Variants in MYOF observed in about 807,000 individuals in gnomAD.
The protein encoded by MYOF is myoferlin, also known as fer-1-like 3, myoferlin.
A neutral mutation model predicts 284.2 loss-of-function variants in MYOF; 244 were observed. That is an observed-to-expected ratio of 0.86 (90% CI 0.77 to 0.95). The LOEUF (loss-of-function observed/expected upper bound fraction) is 0.95, where lower values mean the gene tolerates loss of function less well. MYOF is among the 40% of genes least tolerant of loss of function. The pLI is 0.00. For synonymous variants in MYOF, 904 were observed against 919.7 expected (o/e 0.98, Z 0.31); for missense variants, 2,496 against 2,560.6 (o/e 0.97, Z 0.54).
chr10:93,352,444 A>T (rs1844568515), intron 32 of MYOF, among the ~76,000 whole-genome samples: 1 of 152,256 alleles, frequency 6.6e-6, no homozygotes, highest in Non-Finnish European at 1.5e-5. Context: ...AGAGTATAAC[A>T]GCAGCCGGAA....
Position 93,377,308 on chromosome 10 carries a change from G to A in MYOF, c.2108+15C>T, listed in dbSNP as rs774414599. 9.4e-6 allele frequency: 15 copies of A among 1,589,142 alleles called. No individual in the cohort carries two copies. Among genetic ancestry groups the A allele is most frequent in the African/African-American group, 2.7e-5 (2 of 74,432 alleles). ...CCTGGATGAAAATTCTGAGATAGGC[G>A]TAAGATCACTGTACCTCGTGTCTTC... is the stretch of plus-strand genomic sequence containing the variant. On this transcript the variant is annotated intron_variant, in intron 22 of 53. Transcript: ENST00000359263.
chr10:93,391,629 C>T (rs936687208), intron 17 of MYOF, among the ~76,000 whole-genome samples: 1 of 151,692 alleles, frequency 6.6e-6, no homozygotes, highest in Non-Finnish European at 1.5e-5. Context: ...AAAAAGAAAA[C>T]CCATTCTCTC....
chr10:93,392,771 G>T, intron 17 of MYOF, 146 bp downstream of exon 17: 1 of 682,532 alleles, frequency 1.5e-6, no homozygotes, highest in Non-Finnish European at 2.6e-6. Flanking sequence ...CAACCGTATG[G>T]CACTTACACA....
chr10:93,399,639 C>T, intron 12 of MYOF, 144 bp from the exon 13 acceptor site: 1 of 603,580 alleles, frequency 1.7e-6, no homozygotes, highest in Non-Finnish European at 2.9e-6. Flanking sequence ...TTTGAGAGGC[C>T]AAGGCTGGTG....
chr10:93,366,421 T>C lies in MYOF; in HGVS notation c.2724A>G (p.Glu908=). 6.2e-7 allele frequency: 1 copy of C among 1,613,874 alleles called. No individual in the cohort carries two copies. The highest frequency in any genetic ancestry group is 1.1e-5 in the South Asian group (1 of 91,012). The change falls in exon 26 of 54, where the codon GAA becomes GAG. Residue 908 remains glutamate (E), a synonymous_variant. Coordinates refer to ENST00000359263, the MANE Select transcript of MYOF (RefSeq NM_013451.4). ...FFLPPKGWEW[E]GEWIVDPERS... Reference sequence around the variant, plus strand: ...TTTCAGGATCAACTATCCACTCTCCTTCCCATTCCCAGCCTTTTGGAGGCA... The same window carrying C: ...TTTCAGGATCAACTATCCACTCTCCCTCCCATTCCCAGCCTTTTGGAGGCA...
chr10:93,431,746 C>CT (rs35400002), intron 3 of MYOF, among the ~76,000 whole-genome samples: 21,592 of 131,698 alleles, frequency 0.16, 3,869 homozygotes, highest in East Asian at 0.62. Flanking sequence ...TCTTTCTTTT[C>CT]TTTTTTTTTT....
rs183010874 is a variant in MYOF at position 93,477,416 on chromosome 10, C to T, written c.88+4691G>A. ...CTGAGGCAGGAGAATCACTTAAACC[C>T]GGGAGGTGGAAGTTGCAGTGAACCG... On this transcript the variant is annotated intron_variant, in intron 1 of 53. Transcript: ENST00000359263. 2.6e-5 allele frequency among the ~76,000 whole-genome samples: 4 copies of T among 151,972 alleles called. No homozygotes were observed. The East Asian group carries it at 7.8e-4, about 29-fold the overall frequency.
intron 3 of MYOF, among the ~76,000 whole-genome samples, chr10:93,447,703 G>T (rs1396789532): frequency 6.6e-6 from 1 of 152,086 alleles, no homozygotes; most frequent in African/African-American, 2.4e-5. Context: ...AAAGTGTGAC[G>T]TTTCTCTATA....
intron 3 of MYOF, among the ~76,000 whole-genome samples, chr10:93,445,238 T>G (rs1487376739): frequency 6.6e-6 from 1 of 152,194 alleles, no homozygotes; most frequent in Non-Finnish European, 1.5e-5. Context: ...ATAGATGAGC[T>G]GACTCTAACA....
rs781189686 is a variant in MYOF at position 93,401,493 on chromosome 10, A to G, written c.1042T>C (p.Leu348=). Residue 348 remains leucine (L), a synonymous_variant, in exon 12 of 54, where the codon TTA becomes CTA. Coordinates refer to ENST00000359263, the MANE Select transcript of MYOF (RefSeq NM_013451.4). ...NDSDDVESNL[L]LPAGIALRWV... is the part of the protein sequence containing the mutation. ...CGGAGGGCAATGCCAGCAGGGAGTA[A>G]CAAATTACTCTCCACATCATCACTG... 6.2e-6 allele frequency: 10 copies of G among 1,614,178 alleles called. No homozygotes were observed. The South Asian group carries it at 1.1e-4, about 18-fold the overall frequency.
chr10:93,457,103 A>ATGGCAT (rs931361486), intron 1 of MYOF, among the ~76,000 whole-genome samples, 166 bp from the exon 2 acceptor site: 4 of 152,174 alleles, frequency 2.6e-5, no homozygotes, highest in African/African-American at 9.7e-5. Context: ...TCCAAATGAA[A>ATGGCAT]TGGCATTTTT....
intron 5 of MYOF, among the ~76,000 whole-genome samples, chr10:93,419,970 A>G (rs988571473): frequency 1.3e-5 from 2 of 152,086 alleles, no homozygotes; most frequent in African/African-American, 4.8e-5. Context: ...CATCTCTACT[A>G]AAAATTTAAA....
chr10:93,463,200 G>A (rs1055403493), intron 1 of MYOF, among the ~76,000 whole-genome samples: 25 of 152,104 alleles, frequency 1.6e-4, no homozygotes, highest in South Asian at 6.2e-4. Context: ...CAAACCACCC[G>A]CCCTCTTGCG....
At chr10:93,393,091 C>G in intron 16 of MYOF, 136 bp from the exon 17 acceptor site, 1 of 717,904 alleles carries the variant, frequency 1.4e-6, no homozygotes, top group East Asian at 2.6e-5. Flanking sequence ...AGACCCAAGT[C>G]ACATATGACC....
At chr10:93,396,970 G>A (rs1166751209) in intron 15 of MYOF, among the ~76,000 whole-genome samples, 2 of 152,168 alleles carry the variant, frequency 1.3e-5, no homozygotes, top group Non-Finnish European at 2.9e-5. Flanking sequence ...ATTCTGGACA[G>A]CCTAATGATA....
intron 53 of MYOF, among the ~76,000 whole-genome samples, chr10:93,309,685 A>G (rs138944989): frequency 1.3e-5 from 2 of 152,280 alleles, no homozygotes; most frequent in East Asian, 3.9e-4. Context: ...GATGGTTTGG[A>G]ACAAGAAAGT....
intron 36 of MYOF, among the ~76,000 whole-genome samples, chr10:93,349,235 T>C (rs924957770): frequency 4.6e-5 from 7 of 152,246 alleles, no homozygotes; most frequent in Non-Finnish European, 1.0e-4. Context: ...TATTATGGGG[T>C]CTGTGATGGA....
At chr10:93,427,475 G>A (rs1447345835) in intron 4 of MYOF, among the ~76,000 whole-genome samples, 2 of 143,904 alleles carry the variant, frequency 1.4e-5, no homozygotes, top group African/African-American at 5.2e-5. Context: ...AGGTTGCAGT[G>A]AGCCAAGATC....
intron 46 of MYOF, among the ~76,000 whole-genome samples, chr10:93,325,300 G>A (rs1362071934): frequency 4.6e-5 from 7 of 152,150 alleles, no homozygotes; most frequent in Non-Finnish European, 7.3e-5. Context: ...GTCCCCCATT[G>A]CTATCCACAT....
Sources: gnomAD v4.1 joint callset for allele counts (sites outside exome capture counted in the v4.1 genomes callset) on GRCh38, gnomAD v4.1.1 for gene constraint, MANE v1.5 for transcripts, NCBI Gene and HGNC (gene_info 2026-07-23, HGNC 2026-07-21) for gene names.